Variants in NXNL2 observed in about 807,000 individuals in gnomAD.
The protein encoded by NXNL2 is nucleoredoxin like 2, also known as nucleoredoxin-like protein 2.
In NXNL2, 7 loss-of-function variants were observed where a neutral mutation model predicts 11.1. The ratio of observed to expected loss-of-function variants is 0.63; its 90% CI spans 0.36 to 1.18. The LOEUF is 1.18. NXNL2 is among the 50% of genes most tolerant of loss of function. The pLI, the probability that NXNL2 is intolerant of heterozygous loss-of-function variation, is 0.02. For synonymous variants in NXNL2, 109 were observed against 101.8 expected, an observed-to-expected ratio of 1.07 and a Z score of -0.42; for missense variants, 233 against 217.7, an observed-to-expected ratio of 1.07 and a Z score of -0.44.
In NXNL2 at chr9:88,535,715, C is replaced by A. The variant is rs777883802; in HGVS notation, c.281C>A (p.Pro94His). The change falls in exon 1 of 2, where the codon CCC (proline) becomes CAC (histidine). Residue 94 changes from proline (P) to histidine (H), a missense_variant. Physicochemically the swap from Pro to His is moderately conservative, Grantham distance 77 (BLOSUM62 -2). Coordinates refer to ENST00000375854, the MANE Select transcript of NXNL2 (RefSeq NM_001161625.2). ...RELHGAWLAL[P>H]FHDPYRHELR... The stretch of plus-strand genomic sequence containing the variant: ...CTGCATGGCGCCTGGCTGGCGCTGC[C>A]CTTCCACGACCCCTACCGGCAGTGA... The A allele has an allele frequency of 1.3e-6, 2 of 1,585,654 alleles. No homozygotes were observed. The highest frequency in any genetic ancestry group is 1.1e-5 in the South Asian group (1 of 88,264).
intron 1 of NXNL2, 94 bp downstream of exon 1, chr9:88,535,830 C>CG: frequency 1.0e-6 from 1 of 957,110 alleles, no homozygotes; most frequent in Middle Eastern, 3.4e-4. Context: ...CTCTTTATGA[C>CG]GCCCCCCCCC....
chr9:88,546,176 TGA>T (rs1445478909), downstream of NXNL2, among the ~76,000 whole-genome samples: 20 of 151,038 alleles, frequency 1.3e-4, no homozygotes, highest in East Asian at 1.6e-3. Flanking sequence ...TGTGTGTGTG[TGA>T]GAACCACAAC....
downstream of NXNL2, among the ~76,000 whole-genome samples, chr9:88,547,720 T>C (rs1829864212): frequency 1.3e-5 from 2 of 152,096 alleles, no homozygotes; most frequent in Non-Finnish European, 2.9e-5. Context: ...TGCATTTTTG[T>C]TTAAGAATTA....
rs964048283 is a variant in NXNL2, at chr9:88,570,238, C to T, written c.303-849C>T. The stretch of plus-strand genomic sequence containing the variant: ...GGTTCAAGTGATTCTCTTGCCTCAG[C>T]CTCCCAAAAAGCTGGGATTACAGGC... On this transcript the variant is annotated intron_variant, in intron 1 of 2. Transcript: ENST00000375855. Among the ~76,000 whole-genome samples the T allele has an allele frequency of 2.0e-5, 3 of 152,214 alleles. No individual in the cohort carries two copies. In the East Asian group the frequency reaches 5.8e-4, roughly 29 times the overall value.
chr9:88,576,693 C>T (rs1830352355), downstream of NXNL2, among the ~76,000 whole-genome samples: 1 of 152,158 alleles, frequency 6.6e-6, no homozygotes, highest in Non-Finnish European at 1.5e-5. Flanking sequence ...GGACTGCTCC[C>T]TTCTCCACCA....
rs1381157870 is a variant in NXNL2, at chr9:88,535,575, G to A, written c.141G>A (p.Leu47=). Residue 47 remains leucine, a synonymous_variant, in exon 1 of 2, where the codon CTG becomes CTA. Transcript: ENST00000375854. ...RCAPSRDFTP[L]LCDFYTALVA... ...CGCCGAGCCGCGACTTCACGCCGCTGCTCTGCGACTTCTATACGGCGCTGG... is the reference window on the plus strand; with the variant it reads ...CGCCGAGCCGCGACTTCACGCCGCTACTCTGCGACTTCTATACGGCGCTGG... 1.2e-6 allele frequency: 2 copies of A among 1,609,748 alleles called. No homozygotes were observed. The highest frequency in any genetic ancestry group is 1.7e-5 in the Admixed American group (1 of 59,818).
At chr9:88,568,582 C>T (rs77110649) in intron 1 of NXNL2, among the ~76,000 whole-genome samples, 8,907 of 152,264 alleles carry the variant, frequency 0.058, 446 homozygotes, top group African/African-American at 0.12. Context: ...ATACTTGGGC[C>T]TCTTTCTGGT....
At chr9:88,561,406 C>CTCAAGTGAT (rs1410200086) in intron 1 of NXNL2, among the ~76,000 whole-genome samples, 1 of 152,116 alleles carries the variant, frequency 6.6e-6, no homozygotes, top group Non-Finnish European at 1.5e-5. Flanking sequence ...TAATAAACTC[C>CTCAAGTGAT]TCTTTATCTA....
downstream of NXNL2, among the ~76,000 whole-genome samples, chr9:88,579,683 CA>C (rs1318372311): frequency 1.3e-5 from 2 of 152,168 alleles, no homozygotes; most frequent in Non-Finnish European, 2.9e-5. Context: ...GCTCCTTCCC[CA>C]GAGTCTTATG....
chr9:88,582,639 C>G (rs1830421864), intron 1 of NXNL2, among the ~76,000 whole-genome samples: 1 of 149,682 alleles, frequency 6.7e-6, no homozygotes, highest in Non-Finnish European at 1.5e-5. Flanking sequence ...TCCCTCCTCC[C>G]CTCCCTCCCT....
At chr9:88,555,192 A>C (rs1217633674) in intron 1 of NXNL2, among the ~76,000 whole-genome samples, 4 of 152,244 alleles carry the variant, frequency 2.6e-5, no homozygotes, top group African/African-American at 7.2e-5. Context: ...TTTATTAAGA[A>C]AGTAAATGAA....
rs138383279 is a variant in NXNL2 at position 88,553,357 on chromosome 9, AAAC to A, written c.302+17642_302+17644del. Among the ~76,000 whole-genome samples the A allele has an allele frequency of 1.5e-4, 23 of 152,028 alleles. No individual in the cohort carries two copies. The South Asian group carries it at 1.7e-3, about 11-fold the overall frequency. On this transcript the variant is annotated intron_variant, in intron 1 of 2. Coordinates refer to the NXNL2 transcript ENST00000375855. ...GTGAAATTCTGTCTCAAAAAAGCCC[AAAC>A]AACAACAACAACAACAACAAAAAAC... is the stretch of plus-strand genomic sequence containing the variant.
chr9:88,557,476 G>C (rs1446182620), intron 1 of NXNL2, among the ~76,000 whole-genome samples: 3 of 152,212 alleles, frequency 2.0e-5, no homozygotes, highest in African/African-American at 7.2e-5. Context: ...CGTGAATTAA[G>C]CAAATGCACA....
At chr9:88,564,041 T>C (rs1489894561) in intron 1 of NXNL2, among the ~76,000 whole-genome samples, 2 of 151,872 alleles carry the variant, frequency 1.3e-5, no homozygotes, top group Non-Finnish European at 2.9e-5. Flanking sequence ...TGAAACCCTG[T>C]CTCTACTAAA....
intron 1 of NXNL2, among the ~76,000 whole-genome samples, chr9:88,556,441 C>A (rs575832206): frequency 6.6e-6 from 1 of 152,158 alleles, no homozygotes; most frequent in South Asian, 2.1e-4. Flanking sequence ...TGAGAGGGGA[C>A]CCGAAGTGGG....
intron 1 of NXNL2, among the ~76,000 whole-genome samples, chr9:88,542,659 A>T (rs1829784166): frequency 6.6e-6 from 1 of 152,144 alleles, no homozygotes; most frequent in Admixed American, 6.5e-5. Context: ...TATGTTATTG[A>T]CCACTTGAAA....
intron 1 of NXNL2, among the ~76,000 whole-genome samples, chr9:88,581,347 A>C (rs1165919681): frequency 2.0e-5 from 3 of 152,204 alleles, no homozygotes; most frequent in Non-Finnish European, 2.9e-5. Context: ...TCCAACACCC[A>C]GTGTGTCCAA....
At position 88,573,298 on chromosome 9, in the gene NXNL2, C is replaced by A. The variant is rs142904361; in HGVS notation, c.*17-1789C>A. ...AGCTGGGACTACAGGTATGCACCAC[C>A]ATGCTCAGCTAATTTTTGTATTTTT... On this transcript the variant is annotated intron_variant, in intron 2 of 2. Transcript: ENST00000375855. Among the ~76,000 whole-genome samples the A allele has an allele frequency of 4.2e-3, 636 of 152,230 alleles. 3 individuals carry two copies. Among genetic ancestry groups the A allele is most frequent in the Middle Eastern group, 0.017 (5 of 294 alleles).
In NXNL2 at chr9:88,544,378, G is replaced by GT; in HGVS notation, c.303dup (p.Glu102Ter). On this transcript the variant is annotated frameshift_variant and splice_region_variant. Coordinates refer to ENST00000375854, the MANE Select transcript of NXNL2 (RefSeq NM_001161625.2). LOFTEE classifies it high-confidence loss of function. ...TTCGGTACCACTCTTCTGTCCTGCA[G>GT]TGAGCTGAGGAAGAGGTACAACGTC... The GT allele has an allele frequency of 6.4e-7, 1 of 1,551,690 alleles. No homozygotes were observed. Among genetic ancestry groups the GT allele is most frequent in the Non-Finnish European group, 8.7e-7 (1 of 1,146,836 alleles).
Sources: gnomAD v4.1 joint callset for allele counts (sites outside exome capture counted in the v4.1 genomes callset) on GRCh38, gnomAD v4.1.1 for gene constraint, MANE v1.5 for transcripts, NCBI Gene and HGNC (gene_info 2026-07-23, HGNC 2026-07-21) for gene names.